The following COL6A6 variants were observed in gnomAD, a reference collection of about 807,000 sequenced individuals.
COL6A6 encodes collagen alpha-6(VI) chain.
Under a neutral mutation model 208.6 loss-of-function variants are expected in COL6A6, and 183 were observed. The ratio of observed to expected loss-of-function variants is 0.88; its 90% CI spans 0.78 to 0.99. The LOEUF (loss-of-function observed/expected upper bound fraction) is 0.99. Among genes scored for constraint, COL6A6 ranks in the 50% least tolerant of loss-of-function variants. COL6A6 has a pLI of 0.00. For missense variants in COL6A6, 2,816 were observed against 2,815.2 expected, an observed-to-expected ratio of 1.00 and a Z score of -0.01; for synonymous variants, 973 against 1,011.8, an observed-to-expected ratio of 0.96 and a Z score of 0.73.
At chr3:130,637,866 G>C (rs1009417485) in intron 28 of COL6A6, among the ~76,000 whole-genome samples, 64 of 151,972 alleles carry the variant, frequency 4.2e-4, no homozygotes, top group African/African-American at 1.5e-3. Flanking sequence ...TTTAAAGCAG[G>C]GTTTCTCCAT....
chr3:130,568,848 A>G (rs976294993), intron 6 of COL6A6, among the ~76,000 whole-genome samples: 1 of 152,216 alleles, frequency 6.6e-6, no homozygotes, highest in African/African-American at 2.4e-5. Context: ...GAAAAATGGT[A>G]TCATACCAGT....
At chr3:130,642,938 G>T (rs774323253) in intron 30 of COL6A6, 49 bp from the exon 31 acceptor site, 6 of 1,612,924 alleles carry the variant, frequency 3.7e-6, no homozygotes, top group Non-Finnish European at 5.1e-6. Context: ...AAACCTCAGG[G>T]CCTAGCAGTT....
intron 1 of COL6A6, among the ~76,000 whole-genome samples, chr3:130,519,891 C>T (rs1668153008): frequency 6.6e-6 from 1 of 152,200 alleles, no homozygotes; most frequent in Admixed American, 6.5e-5. Context: ...GTTCTGACCT[C>T]ACTCAAATAC....
intron 35 of COL6A6, among the ~76,000 whole-genome samples, chr3:130,662,595 C>T (rs1559801034): frequency 2.0e-5 from 3 of 151,956 alleles, no homozygotes; most frequent in Admixed American, 2.0e-4. Flanking sequence ...CAGTGCAGTC[C>T]GGGGGTGTGA....
chr3:130,598,967 AAT>A (rs2063926241), intron 19 of COL6A6, among the ~76,000 whole-genome samples: 1 of 152,190 alleles, frequency 6.6e-6, no homozygotes, highest in Non-Finnish European at 1.5e-5. Flanking sequence ...TTTCTTGGAT[AAT>A]GTTCCCTTGA....
rs1262529259 is a variant in COL6A6 at position 130,590,939 on chromosome 3, T to TA, written c.4219-101dup. On this transcript the variant is annotated intron_variant, in intron 12 of 36. Coordinates refer to ENST00000358511, the MANE Select transcript of COL6A6 (RefSeq NM_001102608.3). ...GGAAGGACCATTTTTTTCAAACACT[T>TA]ACTATTCCACATGAAGTAAAACTGT... 3.0e-5 allele frequency: 25 copies of TA among 843,502 alleles called. No individual in the cohort carries two copies. The African/African-American group carries it at 3.6e-4, about 12-fold the overall frequency. 52.3% of individuals were successfully genotyped at this position (843,502 alleles called of 1,614,324 possible).
intron 2 of COL6A6, among the ~76,000 whole-genome samples, chr3:130,561,687 C>T (rs1270647403): frequency 7.1e-6 from 1 of 141,136 alleles, no homozygotes; most frequent in Admixed American, 7.2e-5. Context: ...GCTCTGTCGC[C>T]CAGGCCAGAC....
chr3:130,616,461 G>A (rs1436389649), intron 23 of COL6A6, among the ~76,000 whole-genome samples: 1 of 149,068 alleles, frequency 6.7e-6, no homozygotes, highest in East Asian at 2.0e-4. Flanking sequence ...AAGGAAGAAA[G>A]AGCTTTGAAA....
Position 130,570,905 on chromosome 3 carries a change from A to G in COL6A6, c.2489A>G (p.Asp830Gly). The G allele has an allele frequency of 1.2e-6, 2 of 1,613,892 alleles. No individual in the cohort carries two copies. The highest frequency in any genetic ancestry group is 1.7e-6 in the Non-Finnish European group (2 of 1,179,780). ...TATGATGAGTATAATATCATGAAGG[A>G]TTTTATGATTGGCTTAGTGAAAAAA... ...IDYDEYNIMK[D>G]FMIGLVKKAD... The change falls in exon 7 of 37, where the codon GAT (aspartate) becomes GGT (glycine). Residue 830 changes from aspartate to glycine, a missense_variant. By Grantham distance (94) the Asp-to-Gly change is moderately conservative. Coordinates refer to ENST00000358511, the MANE Select transcript of COL6A6 (RefSeq NM_001102608.3).
In COL6A6 at chr3:130,521,019, A is replaced by G. The variant is rs137903210; in HGVS notation, c.-32+3622A>G. Among the ~76,000 whole-genome samples the G allele has an allele frequency of 6.1e-3, 936 of 152,320 alleles. 9 individuals are homozygous for G. The highest frequency in any genetic ancestry group is 0.022 in the African/African-American group (912 of 41,572). On this transcript the variant is annotated intron_variant, in intron 1 of 36. Coordinates refer to ENST00000358511, the MANE Select transcript of COL6A6 (RefSeq NM_001102608.3). ...ATATACAAACCAACTTAGTCTTGCA[A>G]ATGTAAACCTCAGTATTCTCCTTAA...
chr3:130,658,801 G>T, intron 34 of COL6A6, 29 bp downstream of exon 34: 2 of 1,535,982 alleles, frequency 1.3e-6, no homozygotes, highest in Non-Finnish European at 1.8e-6. Flanking sequence ...AGGTAATTTG[G>T]TCAGGCCTAT....
At chr3:130,519,688 A>G (rs1293395819) in intron 1 of COL6A6, among the ~76,000 whole-genome samples, 1 of 152,196 alleles carries the variant, frequency 6.6e-6, no homozygotes, top group Non-Finnish European at 1.5e-5. Flanking sequence ...CACATAGGGC[A>G]GTGATATCTA....
chr3:130,634,052 T>TAAAAAAAA (rs34137705), intron 26 of COL6A6, among the ~76,000 whole-genome samples: 1 of 27,756 alleles, frequency 3.6e-5, no homozygotes, highest in Non-Finnish European at 5.1e-5. Context: ...TAGAGTATAA[T>TAAAAAAAA]AAAAAAAAAA....
chr3:130,609,698 A>C (rs2064296176), intron 22 of COL6A6, among the ~76,000 whole-genome samples: 1 of 152,104 alleles, frequency 6.6e-6, no homozygotes. Context: ...TAAGTGTTCT[A>C]TTTGGCATAG....
chr3:130,660,278 A>T (rs139924735), intron 34 of COL6A6, among the ~76,000 whole-genome samples: 20 of 152,350 alleles, frequency 1.3e-4, no homozygotes, highest in Non-Finnish European at 2.2e-4. Context: ...CTTTGCACAC[A>T]GGTGACTGTT....
At chr3:130,583,799 G>C (rs986281657) in intron 10 of COL6A6, among the ~76,000 whole-genome samples, 3 of 152,160 alleles carry the variant, frequency 2.0e-5, no homozygotes, top group African/African-American at 7.2e-5. Flanking sequence ...AGTAAAGAAA[G>C]TGGTTTTCTG....
chr3:130,567,630 T>C (rs1448803415), intron 5 of COL6A6, among the ~76,000 whole-genome samples: 1 of 152,220 alleles, frequency 6.6e-6, no homozygotes, highest in East Asian at 1.9e-4. Flanking sequence ...TGAAATCATT[T>C]AGAGCTCCTG....
intron 1 of COL6A6, among the ~76,000 whole-genome samples, chr3:130,546,535 C>CA (rs2062502675): frequency 6.6e-6 from 1 of 152,194 alleles, no homozygotes; most frequent in Non-Finnish European, 1.5e-5. Flanking sequence ...AGGCAGCCTG[C>CA]GTTTATTCCC....
intron 23 of COL6A6, among the ~76,000 whole-genome samples, chr3:130,612,720 A>G (rs1176998363): frequency 6.6e-6 from 1 of 152,122 alleles, no homozygotes; most frequent in East Asian, 1.9e-4. Flanking sequence ...AGGTCTATGT[A>G]CATGAGGGTG....
Sources: gnomAD v4.1 joint callset for allele counts (sites outside exome capture counted in the v4.1 genomes callset) on GRCh38, gnomAD v4.1.1 for gene constraint, MANE v1.5 for transcripts, NCBI Gene and HGNC (gene_info 2026-07-23, HGNC 2026-07-21) for gene names.